CNTN5: variants seen among roughly 807,000 people sequenced by gnomAD.
CNTN5 encodes contactin-5.
CNTN5 carries 77 observed loss-of-function variants against 129.1 expected under a neutral mutation model. The ratio of observed to expected loss-of-function variants is 0.60; its 90% CI spans 0.50 to 0.72. The LOEUF (loss-of-function observed/expected upper bound fraction) is 0.72, where lower values mean the gene tolerates loss of function less well. Ranked by LOEUF, CNTN5 falls within the 30% of genes least tolerant of loss-of-function variation. The probability of loss-of-function intolerance (pLI) is 0.00; values close to 1 mark genes in which losing one functional copy is unlikely to be tolerated. For synonymous variants in CNTN5, 509 were observed against 465.6 expected, an observed-to-expected ratio of 1.09 and a Z score of -1.20; for missense variants, 1,478 against 1,328.8, an observed-to-expected ratio of 1.11 and a Z score of -1.75.
At chr11:99,683,310 C>T (rs1953642647) in intron 3 of CNTN5, among the ~76,000 whole-genome samples, 1 of 151,834 alleles carries the variant, frequency 6.6e-6, no homozygotes, top group South Asian at 2.1e-4. Flanking sequence ...CACCTCATAT[C>T]ATGTATCATT....
intron 8 of CNTN5, among the ~76,000 whole-genome samples, chr11:99,971,475 G>A (rs534117914): frequency 1.7e-4 from 26 of 151,754 alleles, no homozygotes; most frequent in African/African-American, 4.6e-4. Context: ...CCCGAGAGGC[G>A]GAGGTTGCAG....
chr11:100,258,360 C>A (rs1247609787), intron 17 of CNTN5, among the ~76,000 whole-genome samples: 1 of 152,128 alleles, frequency 6.6e-6, no homozygotes, highest in East Asian at 1.9e-4. Context: ...TTGTAAAACA[C>A]TCTTAGGGAT....
At chr11:99,247,821 A>C (rs1004000251) in intron 1 of CNTN5, among the ~76,000 whole-genome samples, 2 of 152,104 alleles carry the variant, frequency 1.3e-5, no homozygotes, top group Non-Finnish European at 2.9e-5. Flanking sequence ...ATGGTATTCC[A>C]TGGTGTATAT....
chr11:99,984,957 C>A (rs891588563), intron 8 of CNTN5, among the ~76,000 whole-genome samples: 2 of 152,170 alleles, frequency 1.3e-5, no homozygotes, highest in Admixed American at 1.3e-4. Context: ...ATCCTTCCAG[C>A]CACTGCTCCA....
At chr11:99,853,350 G>A (rs942864162) in intron 6 of CNTN5, among the ~76,000 whole-genome samples, 1 of 151,866 alleles carries the variant, frequency 6.6e-6, no homozygotes, top group South Asian at 2.1e-4. Context: ...ATATATATAT[G>A]TAGCAGGTAT....
At chr11:99,817,659 G>C (rs1946637513) in intron 3 of CNTN5, among the ~76,000 whole-genome samples, 2 of 117,278 alleles carry the variant, frequency 1.7e-5, no homozygotes, top group South Asian at 5.8e-4. Context: ...AAAACACAAA[G>C]CAATAGATTG....
At chr11:100,085,029 A>G (rs539750312) in intron 13 of CNTN5, among the ~76,000 whole-genome samples, 8 of 152,226 alleles carry the variant, frequency 5.3e-5, no homozygotes, top group African/African-American at 1.9e-4. Context: ...TTAGAAGCTT[A>G]TATATCCTTT....
At chr11:99,407,964 G>A (rs572476325) in intron 2 of CNTN5, among the ~76,000 whole-genome samples, 4 of 152,002 alleles carry the variant, frequency 2.6e-5, no homozygotes, top group Admixed American at 1.3e-4. Flanking sequence ...TCGGTGATTC[G>A]GAACTGTTTT....
rs34146715 is a variant in CNTN5, at chr11:99,450,768, G to GTTTTTT, written c.-70-105360_-70-105355dup. Among the ~76,000 whole-genome samples the GTTTTTT allele has an allele frequency of 1.8e-3, 185 of 104,986 alleles. 4 individuals carry two copies. Among genetic ancestry groups the GTTTTTT allele is most frequent in the Non-Finnish European group, 2.6e-3 (139 of 52,650 alleles). 68.9% of individuals were successfully genotyped at this position (104,986 alleles called of 152,430 possible). ...GATAGGTGCTCTTGCATTGAAGCAA[G>GTTTTTT]TTTTTTTTTTTTTTTTTTTTTTGCT... is the stretch of plus-strand genomic sequence containing the variant. On this transcript the variant is annotated intron_variant, in intron 2 of 24. Coordinates refer to ENST00000524871, the MANE Select transcript of CNTN5 (RefSeq NM_014361.4).
chr11:99,503,206 T>C (rs11220212), intron 2 of CNTN5, among the ~76,000 whole-genome samples: 39,956 of 152,086 alleles, frequency 0.26, 5,670 homozygotes, highest in East Asian at 0.43. Context: ...ACTTCCTTAA[T>C]GTGTTTTGTC....
At chr11:99,697,056 T>G (rs1954300852) in intron 3 of CNTN5, among the ~76,000 whole-genome samples, 1 of 151,914 alleles carries the variant, frequency 6.6e-6, no homozygotes. Context: ...TGGGACAATT[T>G]GAGCAATCCA....
At chr11:99,044,821 A>G (rs986774721) in intron 1 of CNTN5, among the ~76,000 whole-genome samples, 2 of 152,146 alleles carry the variant, frequency 1.3e-5, no homozygotes, top group Non-Finnish European at 2.9e-5. Flanking sequence ...GGAAACTCTT[A>G]TGGGGAAATT....
At chr11:99,506,863 T>C (rs978491204) in intron 2 of CNTN5, among the ~76,000 whole-genome samples, 1 of 152,064 alleles carries the variant, frequency 6.6e-6, no homozygotes, top group Non-Finnish European at 1.5e-5. Context: ...AATGAAGTAA[T>C]TGATCAAATT....
At chr11:99,362,375 ATAAAAAT>A (rs1939171964) in intron 2 of CNTN5, among the ~76,000 whole-genome samples, 1 of 151,930 alleles carries the variant, frequency 6.6e-6, no homozygotes, top group African/African-American at 2.4e-5. Flanking sequence ...TATATTCTAG[ATAAAAAT>A]TCCTTATGAG....
intron 2 of CNTN5, among the ~76,000 whole-genome samples, chr11:99,520,439 G>A (rs11220278): frequency 0.13 from 19,250 of 152,048 alleles, 1,609 homozygotes; most frequent in African/African-American, 0.24. Context: ...AAGAAAGATA[G>A]GATGATTAAG....
At chr11:99,928,957 CTT>C (rs1950128044) in intron 7 of CNTN5, among the ~76,000 whole-genome samples, 1 of 152,136 alleles carries the variant, frequency 6.6e-6, no homozygotes, top group Non-Finnish European at 1.5e-5. Context: ...AAACCAAATG[CTT>C]TTAAGAGCAC....
At chr11:100,058,885 C>G (rs1316863706) in intron 9 of CNTN5, among the ~76,000 whole-genome samples, 1 of 152,094 alleles carries the variant, frequency 6.6e-6, no homozygotes, top group African/African-American at 2.4e-5. Context: ...CAAATTAGGA[C>G]TTTGCTGAAG....
At chr11:100,217,571 C>G (rs1176901167) in intron 15 of CNTN5, among the ~76,000 whole-genome samples, 1 of 152,092 alleles carries the variant, frequency 6.6e-6, no homozygotes, top group African/African-American at 2.4e-5. Context: ...CAATTTTTTT[C>G]TGACTAGTTC....
At chr11:100,074,348 G>A in intron 13 of CNTN5, 54 bp downstream of exon 13, 2 of 1,407,244 alleles carry the variant, frequency 1.4e-6, no homozygotes, top group Non-Finnish European at 2.0e-6. Flanking sequence ...TGAGGTTACA[G>A]GTGACACACA....
Sources: allele counts gnomAD v4.1 joint callset (sites outside exome capture counted in the v4.1 genomes callset), GRCh38; gene constraint gnomAD v4.1.1; transcripts MANE v1.5; gene names NCBI Gene and HGNC (gene_info 2026-07-23, HGNC 2026-07-21).